Variants in FAM168A observed in about 807,000 individuals in gnomAD.
The protein encoded by FAM168A is family with sequence similarity 168 member A, also known as protein FAM168A.
In FAM168A, 3 loss-of-function variants were observed where a neutral mutation model predicts 28.5. That is an observed-to-expected ratio of 0.11 (90% CI 0.05 to 0.27). The LOEUF (loss-of-function observed/expected upper bound fraction) is 0.27, where lower values mean the gene tolerates loss of function less well. FAM168A is among the 10% of genes least tolerant of loss of function. The pLI is 1.00. For missense variants in FAM168A, 222 were observed against 311.5 expected (o/e 0.71, Z 2.16); for synonymous variants, 122 against 124.2 (o/e 0.98, Z 0.12).
intron 1 of FAM168A, among the ~76,000 whole-genome samples, chr11:73,479,790 C>CT: frequency 6.6e-6 from 1 of 152,052 alleles, no homozygotes. Flanking sequence ...TGGAAAAGGG[C>CT]CTGATATTAA....
At chr11:73,419,066 TC>T (rs1866746357) in intron 4 of FAM168A, among the ~76,000 whole-genome samples, 1 of 152,148 alleles carries the variant, frequency 6.6e-6, no homozygotes, top group African/African-American at 2.4e-5. Flanking sequence ...CACCTTGGCC[TC>T]CCAAAGTGCT....
At chr11:73,413,588 GTTTTATAGATAAACCAGAGA>G (rs1454736323) in intron 4 of FAM168A, among the ~76,000 whole-genome samples, 7 of 152,150 alleles carry the variant, frequency 4.6e-5, no homozygotes, top group Admixed American at 4.6e-4. Flanking sequence ...AAATAAAGGG[GTTTTATAGATAAACCAGAGA>G]TAGACATTTC....
chr11:73,433,224 T>C (rs769749613), intron 2 of FAM168A, among the ~76,000 whole-genome samples: 34 of 151,760 alleles, frequency 2.2e-4, no homozygotes, highest in Non-Finnish European at 4.3e-4. Context: ...CATTTTTTCA[T>C]TGGGTGGTTT....
intron 1 of FAM168A, among the ~76,000 whole-genome samples, chr11:73,473,585 G>A (rs764585419): frequency 1.3e-5 from 2 of 152,086 alleles, no homozygotes; most frequent in Non-Finnish European, 2.9e-5. Flanking sequence ...CAATCACAAT[G>A]ACTTCCTTGT....
At chr11:73,573,372 A>G (rs1944130623) in intron 1 of FAM168A, among the ~76,000 whole-genome samples, 1 of 152,266 alleles carries the variant, frequency 6.6e-6, no homozygotes, top group African/African-American at 2.4e-5. Flanking sequence ...CTAATCAAGG[A>G]GCCTCCCACT....
At chr11:73,430,325 T>G (rs78392908) in intron 3 of FAM168A, 3,826 of 290,974 alleles carry the variant, frequency 0.013, 162 homozygotes, top group African/African-American at 0.083. Context: ...TGTGGGTGTG[T>G]GTGTGTCCCA....
intron 1 of FAM168A, among the ~76,000 whole-genome samples, chr11:73,572,466 G>A (rs1289840803): frequency 2.0e-5 from 3 of 151,808 alleles, no homozygotes. Flanking sequence ...TTGAGAAATC[G>A]GATGGTTGCT....
chr11:73,536,786 G>T (rs1035102635), intron 1 of FAM168A, among the ~76,000 whole-genome samples: 2 of 152,140 alleles, frequency 1.3e-5, no homozygotes, highest in African/African-American at 2.4e-5. Flanking sequence ...AAAATAATTT[G>T]CTGAGTCCTG....
intron 1 of FAM168A, among the ~76,000 whole-genome samples, chr11:73,563,121 G>T (rs1239212683): frequency 6.6e-6 from 1 of 152,146 alleles, no homozygotes; most frequent in Non-Finnish European, 1.5e-5. Context: ...AGCTTTTCAA[G>T]CAATTCCAAA....
At chr11:73,544,922 TAATATAA>T (rs1336158971) in intron 1 of FAM168A, among the ~76,000 whole-genome samples, 10 of 88,502 alleles carry the variant, frequency 1.1e-4, no homozygotes, top group Middle Eastern at 4.4e-3. Context: ...ATATTATATA[TAATATAA>T]AATATATTAT....
chr11:73,531,304 C>T (rs950545113), intron 1 of FAM168A, among the ~76,000 whole-genome samples: 7 of 152,174 alleles, frequency 4.6e-5, no homozygotes, highest in African/African-American at 1.7e-4. Flanking sequence ...CCAGAAATAT[C>T]ACTAATGGCA....
chr11:73,426,915 A>G (rs1266077707), intron 3 of FAM168A, among the ~76,000 whole-genome samples: 3 of 152,178 alleles, frequency 2.0e-5, no homozygotes, highest in Non-Finnish European at 4.4e-5. Context: ...TTTAGTAGAA[A>G]TATGTTGACT....
At chr11:73,460,973 T>A (rs1261226567) in intron 2 of FAM168A, among the ~76,000 whole-genome samples, 1 of 152,208 alleles carries the variant, frequency 6.6e-6, no homozygotes, top group Non-Finnish European at 1.5e-5. Context: ...AGAACTAGAT[T>A]GGCTGCCAGA....
At chr11:73,546,959 T>C (rs1943762266) in intron 1 of FAM168A, among the ~76,000 whole-genome samples, 1 of 150,742 alleles carries the variant, frequency 6.6e-6, no homozygotes, top group African/African-American at 2.4e-5. Flanking sequence ...TTTTAAAATG[T>C]GCAAAGAACT....
At chr11:73,422,947 G>A (rs1050053170) in intron 3 of FAM168A, among the ~76,000 whole-genome samples, 1 of 152,214 alleles carries the variant, frequency 6.6e-6, no homozygotes, top group African/African-American at 2.4e-5. Context: ...ACAAGGAGAC[G>A]AGGCAGCAAG....
chr11:73,547,126 GA>G (rs1943767295), intron 1 of FAM168A, among the ~76,000 whole-genome samples: 1 of 142,182 alleles, frequency 7.0e-6, no homozygotes, highest in African/African-American at 2.6e-5. Context: ...AAAGGAAGAA[GA>G]AAGAAAAAGG....
intron 1 of FAM168A, among the ~76,000 whole-genome samples, chr11:73,531,624 C>A (rs1235213930): frequency 6.6e-6 from 1 of 152,000 alleles, no homozygotes; most frequent in African/African-American, 2.4e-5. Context: ...GAGAGGAGAC[C>A]TAGGTTACCT....
At chr11:73,574,034 G>A (rs1197205461) in intron 1 of FAM168A, among the ~76,000 whole-genome samples, 2 of 151,872 alleles carry the variant, frequency 1.3e-5, no homozygotes, top group African/African-American at 4.8e-5. Flanking sequence ...CGAGGCAGGG[G>A]GATCACTAAG....
At chr11:73,490,140 G>C (rs1046344968) in intron 1 of FAM168A, among the ~76,000 whole-genome samples, 1 of 152,096 alleles carries the variant, frequency 6.6e-6, no homozygotes, top group Non-Finnish European at 1.5e-5. Flanking sequence ...TGTTGTTCTT[G>C]ACTTCTCTTT....
Sources: gnomAD v4.1 joint callset for allele counts (sites outside exome capture counted in the v4.1 genomes callset) on GRCh38, gnomAD v4.1.1 for gene constraint, MANE v1.5 for transcripts, NCBI Gene and HGNC (gene_info 2026-07-23, HGNC 2026-07-21) for gene names.